Variants in PIK3C2A observed in about 807,000 individuals in gnomAD.
PIK3C2A encodes the protein phosphatidylinositol 4-phosphate 3-kinase C2 domain-containing subunit alpha.
In PIK3C2A, 97 loss-of-function variants were observed where a neutral mutation model predicts 204.5. The ratio of observed to expected loss-of-function variants is 0.47; its 90% CI spans 0.40 to 0.56. The LOEUF is 0.56. Ranked by LOEUF, PIK3C2A falls within the 20% of genes least tolerant of loss-of-function variation. The probability of loss-of-function intolerance (pLI) is 0.00; values close to 1 mark genes in which losing one functional copy is unlikely to be tolerated. For synonymous variants in PIK3C2A, 653 were observed against 664.4 expected, an observed-to-expected ratio of 0.98 and a Z score of 0.26; for missense variants, 1,735 against 1,969.2, an observed-to-expected ratio of 0.88 and a Z score of 2.25.
intron 24 of PIK3C2A, among the ~76,000 whole-genome samples, chr11:17,102,171 T>G (rs983179755): frequency 6.6e-6 from 1 of 152,036 alleles, no homozygotes; most frequent in Admixed American, 6.6e-5. Context: ...GCATGGTGGC[T>G]CACGCCTGTA....
At chr11:17,122,068 A>G (rs1408096941) in intron 15 of PIK3C2A, 120 bp downstream of exon 15, 5 of 613,456 alleles carry the variant, frequency 8.2e-6, no homozygotes, top group Non-Finnish European at 1.4e-5. Flanking sequence ...TAAATAGAAA[A>G]CTTTCCACAC....
At chr11:17,144,244 G>C (rs189761587) in intron 8 of PIK3C2A, among the ~76,000 whole-genome samples, 4 of 152,202 alleles carry the variant, frequency 2.6e-5, no homozygotes, top group African/African-American at 7.2e-5. Context: ...ACTTGGTTCA[G>C]GGAACATCCC....
chr11:17,113,422 T>C (rs531167203), intron 20 of PIK3C2A, among the ~76,000 whole-genome samples: 1 of 152,206 alleles, frequency 6.6e-6, no homozygotes, highest in South Asian at 2.1e-4. Context: ...CTTCTGTTTA[T>C]GGTACTATTG....
chr11:17,115,372 GA>G (rs58726258), intron 19 of PIK3C2A, among the ~76,000 whole-genome samples: 77,443 of 84,692 alleles, frequency 0.91, 35,519 homozygotes, highest in Non-Finnish European at 0.95. Flanking sequence ...GTCCCTACAA[GA>G]AAAAAAAAAA....
chr11:17,124,479 G>A (rs1206593530), intron 13 of PIK3C2A, among the ~76,000 whole-genome samples: 2 of 146,436 alleles, frequency 1.4e-5, no homozygotes, highest in Non-Finnish European at 3.0e-5. Flanking sequence ...TTTTTGAGAC[G>A]GAGTCTTGTT....
chr11:17,131,282 C>T (rs1324669026), intron 12 of PIK3C2A, among the ~76,000 whole-genome samples: 1 of 152,112 alleles, frequency 6.6e-6, no homozygotes, highest in Admixed American at 6.6e-5. Flanking sequence ...CTGAAGCAAG[C>T]AATGCTATAA....
chr11:17,161,210 T>A (rs1160620524), intron 2 of PIK3C2A, among the ~76,000 whole-genome samples: 3 of 152,176 alleles, frequency 2.0e-5, no homozygotes, highest in Non-Finnish European at 4.4e-5. Flanking sequence ...AACACCAAGT[T>A]TTCAATAAAT....
intron 19 of PIK3C2A, among the ~76,000 whole-genome samples, chr11:17,114,698 T>C (rs963254274): frequency 2.0e-5 from 3 of 152,224 alleles, no homozygotes; most frequent in Admixed American, 2.0e-4. Flanking sequence ...TAAAGCTCAC[T>C]AATAGTCAAA....
intron 6 of PIK3C2A, among the ~76,000 whole-genome samples, chr11:17,146,481 G>A (rs1295131035): frequency 2.0e-5 from 3 of 152,046 alleles, no homozygotes; most frequent in African/African-American, 7.2e-5. Flanking sequence ...GGGAGACCAA[G>A]GTAGGTGAAT....
intron 1 of PIK3C2A, among the ~76,000 whole-genome samples, chr11:17,205,032 G>A (rs1465096962): frequency 6.6e-5 from 10 of 151,700 alleles, no homozygotes; most frequent in Admixed American, 5.9e-4. Context: ...CAAAACTTAG[G>A]TGGGTGTGGT....
rs529608695 is a variant in PIK3C2A, at chr11:17,143,719, T to C, written c.1704+1949A>G. ...TGGGAGGCCAAGGCGAGTGGATCAC[T>C]TGAGGTCAGGAGTTCGAAACCAGCC... On this transcript the variant is annotated intron_variant, in intron 8 of 32. Transcript: ENST00000691414. Among the ~76,000 whole-genome samples the C allele has an allele frequency of 8.4e-4, 127 of 151,490 alleles. 1 individual carries two copies. Among genetic ancestry groups the C allele is most frequent in the African/African-American group, 3.0e-3 (123 of 41,290 alleles).
At chr11:17,187,742 A>G (rs1359830536) in intron 1 of PIK3C2A, among the ~76,000 whole-genome samples, 1 of 152,094 alleles carries the variant, frequency 6.6e-6, no homozygotes, top group African/African-American at 2.4e-5. Flanking sequence ...CATAGACTGA[A>G]GGGAAGGATT....
chr11:17,206,755 C>G (rs1313726750), intron 1 of PIK3C2A, among the ~76,000 whole-genome samples: 1 of 152,154 alleles, frequency 6.6e-6, no homozygotes, highest in Non-Finnish European at 1.5e-5. Flanking sequence ...CTTCACCGTT[C>G]CCCTACAAAC....
intron 13 of PIK3C2A, among the ~76,000 whole-genome samples, chr11:17,129,002 T>C (rs2137370876): frequency 6.6e-6 from 1 of 152,380 alleles, no homozygotes; most frequent in East Asian, 1.9e-4. Context: ...ACTGTGGTAT[T>C]ATGTCAACAA....
At chr11:17,167,449 C>A (rs1851003336) in intron 2 of PIK3C2A, among the ~76,000 whole-genome samples, 1 of 152,084 alleles carries the variant, frequency 6.6e-6, no homozygotes, top group Non-Finnish European at 1.5e-5. Context: ...ATGGAGAAAC[C>A]CGGTTTCTAC....
intron 1 of PIK3C2A, among the ~76,000 whole-genome samples, chr11:17,190,073 T>C (rs528193721): frequency 2.6e-5 from 4 of 151,868 alleles, no homozygotes; most frequent in Non-Finnish European, 4.4e-5. Context: ...AAGATCAGCC[T>C]GCAACATGGC....
At chr11:17,179,166 A>G (rs368912990) in intron 1 of PIK3C2A, among the ~76,000 whole-genome samples, 10 of 151,960 alleles carry the variant, frequency 6.6e-5, no homozygotes, top group Middle Eastern at 3.4e-3. Flanking sequence ...CACCTGGCCT[A>G]TTTATTTATT....
At chr11:17,189,565 T>C (rs986742365) in intron 1 of PIK3C2A, among the ~76,000 whole-genome samples, 2 of 135,232 alleles carry the variant, frequency 1.5e-5, no homozygotes, top group African/African-American at 7.3e-5. Flanking sequence ...TGGTTGTTTT[T>C]AGTATATTCA....
intron 10 of PIK3C2A, 40 bp from the exon 11 acceptor site, chr11:17,135,069 A>G: frequency 6.2e-7 from 1 of 1,612,242 alleles, no homozygotes; most frequent in Non-Finnish European, 8.5e-7. Flanking sequence ...TTCTCTGAAA[A>G]GGCGATGATT....
Sources: allele counts gnomAD v4.1 joint callset (sites outside exome capture counted in the v4.1 genomes callset), GRCh38; gene constraint gnomAD v4.1.1; transcripts MANE v1.5; gene names NCBI Gene and HGNC (gene_info 2026-07-23, HGNC 2026-07-21).